GPR158: variants seen among roughly 807,000 people sequenced by gnomAD.
GPR158 encodes the protein metabotropic glycine receptor.
A neutral mutation model predicts 78.2 loss-of-function variants in GPR158; 30 were observed. That is an observed-to-expected ratio of 0.38 (90% CI 0.29 to 0.52). The LOEUF is 0.52. Ranked by LOEUF, GPR158 falls within the 20% of genes least tolerant of loss-of-function variation. GPR158 has a pLI of 0.83. For missense variants in GPR158, 1,463 were observed against 1,523.5 expected (o/e 0.96, Z 0.66); for synonymous variants, 581 against 591.1 (o/e 0.98, Z 0.25).
chr10:25,431,883 A>T (rs937990949), intron 4 of GPR158, among the ~76,000 whole-genome samples: 1 of 152,138 alleles, frequency 6.6e-6, no homozygotes, highest in Non-Finnish European at 1.5e-5. Flanking sequence ...GGATAGCTTT[A>T]GGAGATATAC....
At chr10:25,497,189 G>A (rs1157623396) in intron 5 of GPR158, among the ~76,000 whole-genome samples, 6 of 152,148 alleles carry the variant, frequency 3.9e-5, no homozygotes, top group East Asian at 1.9e-4. Context: ...ATTGTATAAC[G>A]GAAGCTAATG....
At chr10:25,269,851 TG>T (rs1255839234) in intron 2 of GPR158, among the ~76,000 whole-genome samples, 1 of 152,310 alleles carries the variant, frequency 6.6e-6, no homozygotes, top group East Asian at 1.9e-4. Context: ...CTTTAACGTT[TG>T]TATTATACCC....
intron 5 of GPR158, among the ~76,000 whole-genome samples, chr10:25,542,974 A>G (rs57198899): frequency 0.029 from 4,424 of 152,252 alleles, 230 homozygotes; most frequent in African/African-American, 0.1. Flanking sequence ...CATGCTAACA[A>G]AATCACATTC....
At chr10:25,553,056 T>C (rs1836747205) in intron 6 of GPR158, among the ~76,000 whole-genome samples, 1 of 152,204 alleles carries the variant, frequency 6.6e-6, no homozygotes, top group Admixed American at 6.5e-5. Flanking sequence ...AGATTCATCA[T>C]CTTTCTTTCA....
At chr10:25,230,336 G>A (rs1311150797) in intron 2 of GPR158, among the ~76,000 whole-genome samples, 1 of 152,152 alleles carries the variant, frequency 6.6e-6, no homozygotes, top group Non-Finnish European at 1.5e-5. Context: ...CAGAACCATA[G>A]CAAAAGCCAA....
rs183437256 is a variant in GPR158, at chr10:25,599,729, T to C, written c.*455T>C. ...ATTTAACCTTGATAGCACTGCTAACTTAATGCATCCCAAAAATATCTTTTA... is the reference window on the plus strand; with the variant it reads ...ATTTAACCTTGATAGCACTGCTAACCTAATGCATCCCAAAAATATCTTTTA... On this transcript the variant is annotated 3_prime_UTR_variant, in exon 11 of 11. Coordinates refer to ENST00000376351, the MANE Select transcript of GPR158 (RefSeq NM_020752.3). 45 of 155,362 alleles carry C rather than the reference T, an allele frequency of 2.9e-4. 1 individual carries two copies. The highest frequency in any genetic ancestry group is 2.9e-3 in the Admixed American group (45 of 15,694). 9.6% of individuals were successfully genotyped at this position (155,362 alleles called of 1,614,324 possible). A position where few individuals can be genotyped will look rare whatever the true frequency, so the allele number is the denominator to read the frequency against.
At chr10:25,535,825 G>A (rs1302413436) in intron 5 of GPR158, among the ~76,000 whole-genome samples, 1 of 152,118 alleles carries the variant, frequency 6.6e-6, no homozygotes. Context: ...CTATTCAGAA[G>A]CTTCTTTTCT....
At chr10:25,358,121 A>G (rs1855577917) in intron 2 of GPR158, among the ~76,000 whole-genome samples, 1 of 152,020 alleles carries the variant, frequency 6.6e-6, no homozygotes, top group African/African-American at 2.4e-5. Context: ...TGTTTTTCCC[A>G]ATGTCTCCCA....
intron 2 of GPR158, among the ~76,000 whole-genome samples, chr10:25,322,572 A>C (rs954492584): frequency 6.6e-5 from 10 of 152,178 alleles, no homozygotes; most frequent in African/African-American, 2.4e-4. Context: ...AATGGCATTT[A>C]GAATGGTGAA....
intron 2 of GPR158, among the ~76,000 whole-genome samples, chr10:25,392,352 C>T (rs1044966304): frequency 6.6e-5 from 10 of 152,166 alleles, no homozygotes; most frequent in Non-Finnish European, 1.3e-4. Flanking sequence ...TTGGCTTGCC[C>T]TTGGCAGGTG....
At chr10:25,538,003 G>A (rs1836523233) in intron 5 of GPR158, among the ~76,000 whole-genome samples, 1 of 152,064 alleles carries the variant, frequency 6.6e-6, no homozygotes, top group African/African-American at 2.4e-5. Flanking sequence ...AGTGGTGCAA[G>A]AACAGACTAA....
At chr10:25,551,115 A>G (rs1588908652) in intron 6 of GPR158, 30 bp downstream of exon 6, 2 of 1,220,214 alleles carry the variant, frequency 1.6e-6, no homozygotes, top group Middle Eastern at 1.9e-4. Flanking sequence ...CGTCATTCTC[A>G]TGGAAAGATC....
intron 3 of GPR158, among the ~76,000 whole-genome samples, chr10:25,403,747 T>A (rs973410588): frequency 3.3e-5 from 5 of 152,076 alleles, no homozygotes; most frequent in Non-Finnish European, 7.4e-5. Flanking sequence ...TGAAAAATAC[T>A]ACTTTAATTA....
At chr10:25,228,128 A>C (rs545970538) in intron 2 of GPR158, among the ~76,000 whole-genome samples, 1 of 152,344 alleles carries the variant, frequency 6.6e-6, no homozygotes, top group African/African-American at 2.4e-5. Flanking sequence ...TTAAAAAATT[A>C]GCAAGGCTTA....
chr10:25,196,771 T>C (rs572919171), intron 1 of GPR158, among the ~76,000 whole-genome samples: 1 of 152,310 alleles, frequency 6.6e-6, no homozygotes, highest in African/African-American at 2.4e-5. Context: ...GTTCTTGATT[T>C]TTTGCTTGGG....
intron 4 of GPR158, among the ~76,000 whole-genome samples, chr10:25,425,797 T>C (rs1215070136): frequency 2.6e-5 from 4 of 152,254 alleles, no homozygotes; most frequent in Non-Finnish European, 4.4e-5. Flanking sequence ...CTATTGCATA[T>C]AGGTTGGCTA....
At chr10:25,417,741 T>G (rs897039465) in intron 4 of GPR158, among the ~76,000 whole-genome samples, 7 of 152,094 alleles carry the variant, frequency 4.6e-5, no homozygotes, top group African/African-American at 1.4e-4. Flanking sequence ...ACCTAGACAC[T>G]CCTGAAGAGA....
chr10:25,598,458 T>C lies in GPR158; in HGVS notation c.2832T>C (p.Asn944=), dbSNP rs1468369985. 10 of 1,613,576 alleles carry C rather than the reference T, an allele frequency of 6.2e-6. No individual in the cohort carries two copies. Among genetic ancestry groups the C allele is most frequent in the South Asian group, 3.3e-5 (3 of 91,044 alleles). ...CAAAAGATAAAGAGACAAACAGAAATCACTCAAATTCTGATAACACAGAGA... is the reference window on the plus strand; with the variant it reads ...CAAAAGATAAAGAGACAAACAGAAACCACTCAAATTCTGATAACACAGAGA... ...PLPKDKETNR[N]HSNSDNTETK... The change falls in exon 11 of 11, where the codon AAT becomes AAC. Residue 944 remains asparagine, a synonymous_variant. Transcript: ENST00000376351.
chr10:25,506,335 G>A (rs1303459782), intron 5 of GPR158, among the ~76,000 whole-genome samples: 1 of 152,174 alleles, frequency 6.6e-6, no homozygotes, highest in African/African-American at 2.4e-5. Context: ...AGAGATTATT[G>A]AAAAACTATC....
Sources: allele counts gnomAD v4.1 joint callset (sites outside exome capture counted in the v4.1 genomes callset), GRCh38; gene constraint gnomAD v4.1.1; transcripts MANE v1.5; gene names NCBI Gene and HGNC (gene_info 2026-07-23, HGNC 2026-07-21).